Variants in SEM1 observed in about 807,000 individuals in gnomAD.
SEM1 encodes the protein 26S proteasome complex subunit SEM1.
Under a neutral mutation model 12.7 loss-of-function variants are expected in SEM1, and 3 were observed. The observed-to-expected ratio is 0.24, with a 90% CI of 0.11 to 0.61. SEM1 has a LOEUF of 0.61. SEM1 is among the 20% of genes least tolerant of loss of function. The probability of loss-of-function intolerance (pLI) is 0.88; values close to 1 mark genes in which losing one functional copy is unlikely to be tolerated. For missense variants in SEM1, 59 were observed against 81.3 expected, an observed-to-expected ratio of 0.73 and a Z score of 1.06; for synonymous variants, 30 against 27.8, an observed-to-expected ratio of 1.08 and a Z score of -0.25.
chr7:96,509,144 G>A (rs1023745736), intron 2 of SEM1, among the ~76,000 whole-genome samples: 3 of 146,014 alleles, frequency 2.1e-5, no homozygotes, highest in Non-Finnish European at 4.5e-5. Context: ...GCACCACCAC[G>A]TCCAGCTAAT....
At chr7:96,638,268 C>G (rs1808489983) in intron 2 of SEM1, among the ~76,000 whole-genome samples, 1 of 151,898 alleles carries the variant, frequency 6.6e-6, no homozygotes, top group Non-Finnish European at 1.5e-5. Context: ...ACTCGCTTTG[C>G]TCTGTCATTT....
intron 2 of SEM1, among the ~76,000 whole-genome samples, chr7:96,678,244 G>A (rs977316507): frequency 2.0e-5 from 3 of 152,050 alleles, no homozygotes; most frequent in African/African-American, 2.4e-5. Context: ...CCTTGGGGAC[G>A]GGTCACAATG....
chr7:96,708,908 CT>C (rs1309781069), intron 1 of SEM1, among the ~76,000 whole-genome samples: 1 of 151,938 alleles, frequency 6.6e-6, no homozygotes, highest in African/African-American at 2.4e-5. Flanking sequence ...TTGCTATTAT[CT>C]ACAATGAAAA....
At chr7:96,668,238 C>A (rs1047938428) in intron 2 of SEM1, among the ~76,000 whole-genome samples, 2 of 152,070 alleles carry the variant, frequency 1.3e-5, no homozygotes, top group African/African-American at 4.8e-5. Context: ...GGGTTTTCCT[C>A]TTTAGTATTG....
At chr7:96,593,209 T>C (rs1806887836) in intron 2 of SEM1, among the ~76,000 whole-genome samples, 1 of 152,046 alleles carries the variant, frequency 6.6e-6, no homozygotes, top group African/African-American at 2.4e-5. Flanking sequence ...TGTAAAAGAG[T>C]GCATTCTGAG....
chr7:96,607,553 T>C (rs1807419123), intron 2 of SEM1, among the ~76,000 whole-genome samples: 1 of 152,202 alleles, frequency 6.6e-6, no homozygotes, highest in Non-Finnish European at 1.5e-5. Context: ...GTGCTTAACC[T>C]TAAGGACTTT....
At chr7:96,568,254 T>A (rs1253550406) in intron 2 of SEM1, among the ~76,000 whole-genome samples, 1 of 151,872 alleles carries the variant, frequency 6.6e-6, no homozygotes, top group Non-Finnish European at 1.5e-5. Context: ...TTTAGATTTT[T>A]AAAATCCATA....
At chr7:96,697,397 T>G (rs542144666) in intron 1 of SEM1, 2 of 152,254 alleles carry the variant, frequency 1.3e-5, no homozygotes, top group South Asian at 4.1e-4. Context: ...CCTTGACATT[T>G]AAGTACAAAA....
chr7:96,520,552 A>T (rs1341305399), intron 2 of SEM1, among the ~76,000 whole-genome samples: 1 of 152,036 alleles, frequency 6.6e-6, no homozygotes, highest in East Asian at 1.9e-4. Flanking sequence ...AGTAACCTCA[A>T]TCCTGGTGGG....
chr7:96,687,433 C>A (rs1339142242), downstream of SEM1, among the ~76,000 whole-genome samples: 1 of 152,140 alleles, frequency 6.6e-6, no homozygotes, highest in Non-Finnish European at 1.5e-5. Context: ...CACATATACA[C>A]CATGGAATAC....
intron 3 of SEM1, among the ~76,000 whole-genome samples, chr7:96,484,185 A>G (rs1166589034): frequency 6.6e-6 from 1 of 152,150 alleles, no homozygotes; most frequent in Non-Finnish European, 1.5e-5. Flanking sequence ...GTGGGATGCA[A>G]TCGCTGGCAG....
chr7:96,615,362 T>G (rs572223595), intron 2 of SEM1, among the ~76,000 whole-genome samples: 1 of 148,080 alleles, frequency 6.8e-6, no homozygotes, highest in East Asian at 2.2e-4. Context: ...AAGCAATTCT[T>G]ATTCCTCAGC....
chr7:96,483,316 GA>G (rs563575039), exon 4 of SEM1: 43 of 156,006 alleles, frequency 2.8e-4, no homozygotes, highest in Non-Finnish European at 4.6e-4. Flanking sequence ...GGTAGAGAAA[GA>G]ACTATTTCCA....
intron 2 of SEM1, among the ~76,000 whole-genome samples, chr7:96,543,067 G>A (rs554798347): frequency 6.6e-6 from 1 of 151,992 alleles, no homozygotes. Context: ...GGAGAGGTGG[G>A]AGTGGAGGAT....
At chr7:96,533,984 G>A (rs1008245170) in intron 2 of SEM1, among the ~76,000 whole-genome samples, 8 of 151,998 alleles carry the variant, frequency 5.3e-5, no homozygotes, top group African/African-American at 1.9e-4. Context: ...ACCCCTGAGT[G>A]CAACAAAATG....
chr7:96,489,086 C>A (rs575347692), intron 1 of SEM1, among the ~76,000 whole-genome samples: 4 of 152,192 alleles, frequency 2.6e-5, no homozygotes, highest in African/African-American at 9.6e-5. Flanking sequence ...TTGCACTTGG[C>A]AGATGATTGA....
At chr7:96,515,338 G>A (rs577277458) in intron 2 of SEM1, among the ~76,000 whole-genome samples, 6 of 152,232 alleles carry the variant, frequency 3.9e-5, no homozygotes, top group Admixed American at 3.3e-4. Context: ...ACCATCTCAC[G>A]CCAATTAGAA....
intron 2 of SEM1, among the ~76,000 whole-genome samples, chr7:96,556,108 G>A (rs1193820300): frequency 4.6e-5 from 7 of 152,068 alleles, no homozygotes; most frequent in Non-Finnish European, 1.0e-4. Flanking sequence ...TGGGTTTCCT[G>A]AATACAGCAC....
At chr7:96,591,122 TC>T (rs1392375410) in intron 2 of SEM1, among the ~76,000 whole-genome samples, 3 of 152,170 alleles carry the variant, frequency 2.0e-5, no homozygotes, top group African/African-American at 7.2e-5. Flanking sequence ...GTCTACAATT[TC>T]CCCCTTTTGT....
Sources: allele counts gnomAD v4.1 joint callset (sites outside exome capture counted in the v4.1 genomes callset), GRCh38; gene constraint gnomAD v4.1.1; transcripts MANE v1.5; gene names NCBI Gene and HGNC (gene_info 2026-07-23, HGNC 2026-07-21).